Variants in SGCZ observed in about 807,000 individuals in gnomAD.
SGCZ encodes the protein sarcoglycan zeta.
Under a neutral mutation model 41.3 loss-of-function variants are expected in SGCZ, and 40 were observed. That is an observed-to-expected ratio of 0.97 (90% confidence interval 0.75 to 1.26). The LOEUF (loss-of-function observed/expected upper bound fraction) is 1.26. SGCZ is among the 50% of genes most tolerant of loss of function. SGCZ has a pLI of 0.00. For synonymous variants in SGCZ, 206 were observed against 137.5 expected (o/e 1.50, Z -3.49); for missense variants, 552 against 369.8 (o/e 1.49, Z -4.04).
In SGCZ at chr8:14,130,835, G is replaced by T. The variant is rs74783605; in HGVS notation, c.548-22600C>A. Reference sequence around the variant, plus strand: ...AGAGGCTCTAGCTTCCCTTTTCTTTGTTGCCGTGTGTGCAGTAAGCAAGCA... The same window carrying T: ...AGAGGCTCTAGCTTCCCTTTTCTTTTTTGCCGTGTGTGCAGTAAGCAAGCA... On this transcript the variant is annotated intron_variant, in intron 5 of 7. Coordinates refer to ENST00000382080, the MANE Select transcript of SGCZ (RefSeq NM_139167.4). Among the ~76,000 whole-genome samples the T allele has an allele frequency of 1.4e-4, 22 of 152,246 alleles. No individual in the cohort carries two copies. In the East Asian group the frequency reaches 4.3e-3, roughly 29 times the overall value.
intron 4 of SGCZ, among the ~76,000 whole-genome samples, chr8:14,206,283 C>G (rs188620545): frequency 1.4e-4 from 22 of 152,112 alleles, no homozygotes; most frequent in African/African-American, 7.2e-5. Context: ...AAATTACAAG[C>G]CTTATGTTGT....
At chr8:14,147,337 G>T (rs903424820) in intron 5 of SGCZ, among the ~76,000 whole-genome samples, 2 of 151,950 alleles carry the variant, frequency 1.3e-5, no homozygotes, top group African/African-American at 4.8e-5. Flanking sequence ...GACCTATAAA[G>T]ATACACACAG....
At chr8:14,880,368 G>A (rs1190478211) in intron 1 of SGCZ, among the ~76,000 whole-genome samples, 1 of 152,144 alleles carries the variant, frequency 6.6e-6, no homozygotes, top group Non-Finnish European at 1.5e-5. Context: ...CTGTAAACTA[G>A]TTCAACCATT....
chr8:14,664,399 G>T lies in SGCZ; in HGVS notation c.40-109473C>A, dbSNP rs566190650. Among the ~76,000 whole-genome samples the T allele has an allele frequency of 1.0e-3, 156 of 152,270 alleles. 1 individual carries two copies. Among genetic ancestry groups the T allele is most frequent in the African/African-American group, 3.7e-3 (152 of 41,572 alleles). On this transcript the variant is annotated intron_variant, in intron 1 of 7. Transcript: ENST00000382080. ...CCATATTTTACTCATCTTGTGCTTA[G>T]AAGTGTGTCTTTAAAATGAAAGAAA...
intron 3 of SGCZ, among the ~76,000 whole-genome samples, chr8:14,250,209 T>C (rs1799238272): frequency 6.6e-6 from 1 of 152,168 alleles, no homozygotes; most frequent in Admixed American, 6.6e-5. Context: ...CCAGAACCTT[T>C]TAGATCTGGA....
At chr8:14,380,945 G>C (rs531967973) in intron 2 of SGCZ, among the ~76,000 whole-genome samples, 124 of 152,176 alleles carry the variant, frequency 8.1e-4, no homozygotes, top group South Asian at 1.7e-3. Flanking sequence ...AATATCCTGA[G>C]ATAACCATTT....
chr8:14,993,708 G>A (rs1802107110), intron 1 of SGCZ, among the ~76,000 whole-genome samples: 1 of 152,178 alleles, frequency 6.6e-6, no homozygotes, highest in African/African-American at 2.4e-5. Context: ...TGGATGGCAA[G>A]TTTGAGAAGG....
chr8:15,083,381 C>T (rs972980629), intron 1 of SGCZ, among the ~76,000 whole-genome samples: 2 of 152,084 alleles, frequency 1.3e-5, no homozygotes, highest in African/African-American at 4.8e-5. Context: ...ATAGCCTAAA[C>T]TTTTTTCATT....
At chr8:14,354,451 C>G (rs1013579649) in intron 2 of SGCZ, among the ~76,000 whole-genome samples, 2 of 151,710 alleles carry the variant, frequency 1.3e-5, no homozygotes, top group Non-Finnish European at 2.9e-5. Flanking sequence ...GGGTAAAATA[C>G]AACAAAAATT....
At chr8:14,809,053 G>A (rs918369067) in intron 1 of SGCZ, among the ~76,000 whole-genome samples, 3 of 149,020 alleles carry the variant, frequency 2.0e-5, no homozygotes, top group African/African-American at 7.6e-5. Flanking sequence ...ACACAGGAAG[G>A]GGAACATCAC....
At chr8:14,592,446 A>G (rs187415125) in intron 1 of SGCZ, among the ~76,000 whole-genome samples, 218 of 152,202 alleles carry the variant, frequency 1.4e-3, no homozygotes, top group African/African-American at 5.0e-3. Context: ...TCTATTTTCA[A>G]TTGGCATTCT....
intron 1 of SGCZ, among the ~76,000 whole-genome samples, chr8:15,221,575 T>C (rs1801604067): frequency 6.6e-6 from 1 of 152,100 alleles, no homozygotes; most frequent in Admixed American, 6.5e-5. Context: ...GACACTGCCT[T>C]CCTAGGATGA....
chr8:14,832,957 T>A (rs62493314), intron 1 of SGCZ, among the ~76,000 whole-genome samples: 18,560 of 152,104 alleles, frequency 0.12, 1,402 homozygotes, highest in East Asian at 0.28. Flanking sequence ...CCATGAATTT[T>A]AAAATATTTC....
intron 1 of SGCZ, among the ~76,000 whole-genome samples, chr8:15,093,498 A>C (rs7838267): frequency 0.77 from 117,678 of 152,092 alleles, 46,432 homozygotes; most frequent in Non-Finnish European, 0.86. Context: ...TGCTTAGAAA[A>C]GGGTCTCATT....
At chr8:14,865,634 G>A (rs771081556) in intron 1 of SGCZ, among the ~76,000 whole-genome samples, 9 of 152,000 alleles carry the variant, frequency 5.9e-5, no homozygotes, top group Admixed American at 1.3e-4. Flanking sequence ...TGGGATGTGC[G>A]CTCACTTCAA....
intron 1 of SGCZ, among the ~76,000 whole-genome samples, chr8:15,189,694 G>C: frequency 6.6e-6 from 1 of 151,848 alleles, no homozygotes; most frequent in East Asian, 1.9e-4. Flanking sequence ...GATTACAGGT[G>C]CGTGCTAGCA....
At position 14,575,660 on chromosome 8, in the gene SGCZ, A is replaced by G. The variant is rs139790278; in HGVS notation, c.40-20734T>C. Among the ~76,000 whole-genome samples, 600 of 152,230 alleles carry G rather than the reference A, an allele frequency of 3.9e-3. 3 individuals are homozygous for G. Among genetic ancestry groups the G allele is most frequent in the African/African-American group, 0.013 (558 of 41,560 alleles). ...AGTGGTGTACGCCTGTAATCCTGGCACTTTGGGAGGCTGAGGTAGGTGGAC... is the reference window on the plus strand; with the variant it reads ...AGTGGTGTACGCCTGTAATCCTGGCGCTTTGGGAGGCTGAGGTAGGTGGAC... On this transcript the variant is annotated intron_variant, in intron 1 of 7. Transcript: ENST00000382080.
At chr8:14,339,591 T>A (rs534255615) in intron 2 of SGCZ, among the ~76,000 whole-genome samples, 1 of 152,304 alleles carries the variant, frequency 6.6e-6, no homozygotes, top group South Asian at 2.1e-4. Flanking sequence ...GCTTGCATGG[T>A]TTATTTGTGT....
intron 1 of SGCZ, among the ~76,000 whole-genome samples, chr8:14,602,083 G>A (rs890174268): frequency 3.3e-5 from 5 of 151,980 alleles, no homozygotes; most frequent in East Asian, 1.9e-4. Context: ...TTGCGCCACT[G>A]CACTCCAGCC....
Sources: allele counts gnomAD v4.1 joint callset (sites outside exome capture counted in the v4.1 genomes callset), GRCh38; gene constraint gnomAD v4.1.1; transcripts MANE v1.5; gene names NCBI Gene and HGNC (gene_info 2026-07-23, HGNC 2026-07-21).